ZNF737: variants seen among roughly 807,000 people sequenced by gnomAD.
ZNF737 encodes the protein zinc finger protein 737.
A neutral mutation model predicts 11.7 loss-of-function variants in ZNF737; 13 were observed. The observed-to-expected ratio is 1.11, with a 90% CI of 0.73 to 1.77. The LOEUF (loss-of-function observed/expected upper bound fraction) is 1.77, where lower values mean the gene tolerates loss of function less well. Ranked by LOEUF, ZNF737 falls within the 40% of genes most tolerant of loss-of-function variation. ZNF737 has a pLI of 0.00. For synonymous variants in ZNF737, 217 were observed against 216.2 expected (o/e 1.00, Z -0.03); for missense variants, 636 against 638.0 (o/e 1.00, Z 0.03).
At chr19:20,565,602 TC>T (rs1555763609) in intron 1 of ZNF737, 35 bp downstream of exon 1, 1 of 1,613,980 alleles carries the variant, frequency 6.2e-7, no homozygotes, top group Non-Finnish European at 8.5e-7. Flanking sequence ...AACCAGCCTA[TC>T]CCCCTCTCTC....
intron 1 of ZNF737, among the ~76,000 whole-genome samples, chr19:20,563,834 T>A (rs1389258270): frequency 2.0e-5 from 3 of 152,156 alleles, no homozygotes; most frequent in African/African-American, 4.8e-5. Flanking sequence ...TATATCTACT[T>A]CTTTCAGAAA....
In ZNF737 at chr19:20,543,621, TGTA is replaced by T. The variant is rs1555755631; in HGVS notation, c.*968_*970del. 1.0e-6 allele frequency: 1 copy of T among 985,462 alleles called. No homozygotes were observed. Among genetic ancestry groups the T allele is most frequent in the Non-Finnish European group, 1.2e-6 (1 of 829,954 alleles). 61.0% of individuals were successfully genotyped at this position (985,462 alleles called of 1,614,324 possible). ...AAAGTTTTGCCACATTCTTCACACT[TGTA>T]GGAGTTTTGCCAGTATGAATTATCC... On this transcript the variant is annotated 3_prime_UTR_variant, in exon 4 of 4. Transcript: ENST00000427401.
intron 1 of ZNF737, among the ~76,000 whole-genome samples, chr19:20,561,109 A>T (rs181075307): frequency 6.6e-6 from 1 of 152,326 alleles, no homozygotes; most frequent in African/African-American, 2.4e-5. Flanking sequence ...AATGTAGGTG[A>T]GAGGACTGAT....
Position 20,538,090 on chromosome 19 carries a change from G to A in ZNF737, c.*6502C>T. ...GCATTCTCAGTTCACAGTGTAAAAA[G>A]TGAAGTAGAGGTTCCTCTTCAAAGA... is the stretch of plus-strand genomic sequence containing the variant. On this transcript the variant is annotated 3_prime_UTR_variant, in exon 4 of 4. Coordinates refer to ENST00000427401, the MANE Select transcript of ZNF737 (RefSeq NM_001159293.2). 1.0e-6 allele frequency: 1 copy of A among 972,600 alleles called. No homozygotes were observed. The highest frequency in any genetic ancestry group is 1.2e-6 in the Non-Finnish European group (1 of 818,314). 60.2% of individuals were successfully genotyped at this position (972,600 alleles called of 1,614,324 possible).
Position 20,542,119 on chromosome 19 carries a change from C to A in ZNF737, c.*2473G>T. The A allele has an allele frequency of 1.0e-6, 1 of 985,206 alleles. No homozygotes were observed. Among genetic ancestry groups the A allele is most frequent in the Non-Finnish European group, 1.2e-6 (1 of 829,786 alleles). The allele number at this position is 985,206 out of a possible 1,614,324, so 61.0% of individuals were successfully genotyped here. A position where few individuals can be genotyped will look rare whatever the true frequency, so the allele number is the denominator to read the frequency against. On this transcript the variant is annotated 3_prime_UTR_variant, in exon 4 of 4. Coordinates refer to ENST00000427401, the MANE Select transcript of ZNF737 (RefSeq NM_001159293.2). ...GTATATTCCTACAATATTGTACCTA[C>A]ACCCTTGAGTAAAGTGGGATACAGT... is the stretch of plus-strand genomic sequence containing the variant.
chr19:20,565,781 C>CAA, upstream of ZNF737: 1 of 1,425,692 alleles, frequency 7.0e-7, no homozygotes, highest in South Asian at 1.2e-5. Context: ...GCTGCAGAGA[C>CAA]AAAGGCCCCG....
At position 20,544,006 on chromosome 19, in the gene ZNF737, T is replaced by A; in HGVS notation, c.*586A>T. The A allele has an allele frequency of 1.6e-6, 1 of 607,054 alleles. No individual in the cohort carries two copies. The highest frequency in any genetic ancestry group is 2.1e-6 in the Non-Finnish European group (1 of 485,002). 37.6% of individuals were successfully genotyped at this position (607,054 alleles called of 1,614,324 possible). A position where few individuals can be genotyped will look rare whatever the true frequency, so the allele number is the denominator to read the frequency against. ...AGCTGGGCATGTTGGAGGACACCTG[T>A]AATCCCAGCTACTCAGGAAGCTGAG... On this transcript the variant is annotated 3_prime_UTR_variant, in exon 4 of 4. Transcript: ENST00000427401.
At position 20,542,392 on chromosome 19, in the gene ZNF737, C is replaced by A. The variant is rs1419200866; in HGVS notation, c.*2200G>T. On this transcript the variant is annotated 3_prime_UTR_variant, in exon 4 of 4. Transcript: ENST00000427401. ...TACAGGCATGCACCACCATGCCTGG[C>A]TAATTTTTTTTGTATTTTTAGTAGA... The A allele has an allele frequency of 2.8e-6, 1 of 353,786 alleles. No individual in the cohort carries two copies. The highest frequency in any genetic ancestry group is 4.0e-6 in the Non-Finnish European group (1 of 252,780). The allele number at this position is 353,786 out of a possible 1,614,324, so 21.9% of individuals were successfully genotyped here.
intron 3 of ZNF737, among the ~76,000 whole-genome samples, chr19:20,548,271 T>C (rs1050241559): frequency 2.6e-5 from 4 of 152,204 alleles, no homozygotes; most frequent in Admixed American, 2.6e-4. Flanking sequence ...AGATGCCTCT[T>C]GATTTATAAA....
Position 20,543,086 on chromosome 19 carries a change from A to G in ZNF737, c.*1506T>C. ...CGGGGCCTTAGTTATTCTACTGTAAACTCTCTTGATATTTATATACAATCT... is the reference window on the plus strand; with the variant it reads ...CGGGGCCTTAGTTATTCTACTGTAAGCTCTCTTGATATTTATATACAATCT... On this transcript the variant is annotated 3_prime_UTR_variant, in exon 4 of 4. Transcript: ENST00000427401. 3.1e-6 allele frequency: 3 copies of G among 971,654 alleles called. No homozygotes were observed. Among genetic ancestry groups the G allele is most frequent in the Non-Finnish European group, 2.4e-6 (2 of 817,940 alleles). 60.2% of individuals were successfully genotyped at this position (971,654 alleles called of 1,614,324 possible).
At chr19:20,549,103 CAAGAT>C (rs1968574398) in intron 3 of ZNF737, among the ~76,000 whole-genome samples, 2 of 151,494 alleles carry the variant, frequency 1.3e-5, no homozygotes, top group Admixed American at 6.6e-5. Context: ...CTCACTTAGA[CAAGAT>C]AAAACTACCA....
intron 1 of ZNF737, among the ~76,000 whole-genome samples, chr19:20,564,352 T>C (rs1441112777): frequency 6.6e-6 from 1 of 152,200 alleles, no homozygotes; most frequent in Non-Finnish European, 1.5e-5. Flanking sequence ...GACGAATCTA[T>C]GTAACTCATC....
In ZNF737 at chr19:20,565,703, A is replaced by G. The variant is rs1301561682; in HGVS notation, c.-63T>C. ...GGATCTCCCAATACCTGCAGGACAC[A>G]GGGCCACAGAGGCTGGGCCTCTAGG... is the stretch of plus-strand genomic sequence containing the variant. On this transcript the variant is annotated 5_prime_UTR_variant, in exon 1 of 4. Transcript: ENST00000427401. The G allele has an allele frequency of 2.5e-6, 4 of 1,611,142 alleles. No homozygotes were observed. Among genetic ancestry groups the G allele is most frequent in the Non-Finnish European group, 3.4e-6 (4 of 1,177,414 alleles).
downstream of ZNF737, among the ~76,000 whole-genome samples, chr19:20,533,475 T>C (rs1216218400): frequency 2.0e-5 from 3 of 149,862 alleles, no homozygotes; most frequent in African/African-American, 7.4e-5. Context: ...CACAAACATA[T>C]GAATGTGTCT....
Position 20,551,471 on chromosome 19 carries a change from T to C in ZNF737, c.226+1004A>G, listed in dbSNP as rs558231261. 2.7e-4 allele frequency among the ~76,000 whole-genome samples: 40 copies of C among 149,302 alleles called. 1 individual carries two copies. In the South Asian group the frequency reaches 6.1e-3, roughly 23 times the overall value. On this transcript the variant is annotated intron_variant, in intron 3 of 3. Coordinates refer to ENST00000427401, the MANE Select transcript of ZNF737 (RefSeq NM_001159293.2). ...AAAAAGAAAGAAAGAAAGAAATCCA[T>C]TGCAATTGAAGAAAAATAAGTAAAA... is the stretch of plus-strand genomic sequence containing the variant.
chr19:20,548,985 T>TAAAAAAAAAC (rs1555757702), intron 3 of ZNF737, among the ~76,000 whole-genome samples: 1 of 72,770 alleles, frequency 1.4e-5, no homozygotes, highest in African/African-American at 6.7e-5. Context: ...AAAAAACAAT[T>TAAAAAAAAAC]ATGTATCTTT....
In ZNF737 at chr19:20,565,757, G is replaced by T. The variant is rs1325789827; in HGVS notation, c.-117C>A. On this transcript the variant is annotated 5_prime_UTR_variant, in exon 1 of 4. Coordinates refer to ENST00000427401, the MANE Select transcript of ZNF737 (RefSeq NM_001159293.2). ...AGAGGACACACAGCAGTGAAGACAA[G>T]ACCTGGAGCTCCGGCTGCAGAGACA... 5.3e-6 allele frequency: 8 copies of T among 1,517,902 alleles called. No homozygotes were observed. Among genetic ancestry groups the T allele is most frequent in the Non-Finnish European group, 7.3e-6 (8 of 1,093,072 alleles). The allele number at this position is 1,517,902 out of a possible 1,614,324, so 94.0% of individuals were successfully genotyped here.
rs979229612 is a variant in ZNF737, at chr19:20,542,902, A to G, written c.*1690T>C. 1 of 985,292 alleles carries G rather than the reference A, an allele frequency of 1.0e-6. No homozygotes were observed. The highest frequency in any genetic ancestry group is 1.2e-6 in the Non-Finnish European group (1 of 829,794). 61.0% of individuals were successfully genotyped at this position (985,292 alleles called of 1,614,324 possible). ...TATTACATCATTATTCAGCTTTCAA[A>G]AAATTTTATTCAAGGAAACAAGTAT... On this transcript the variant is annotated 3_prime_UTR_variant, in exon 4 of 4. Transcript: ENST00000427401.
chr19:20,545,729 T>G lies in ZNF737; in HGVS notation c.474A>C (p.Ser158=). ...GTCTTATCTTATGTCTGTTTGAATTTGAAAATTTATGAATGACTTTCACAT... is the reference window on the plus strand; with the variant it reads ...GTCTTATCTTATGTCTGTTTGAATTGGAAAATTTATGAATGACTTTCACAT... ...DKYVKVIHKF[S]NSNRHKIRHT... Residue 158 remains serine, a synonymous_variant, in exon 4 of 4, where the codon TCA becomes TCC. Coordinates refer to ENST00000427401, the MANE Select transcript of ZNF737 (RefSeq NM_001159293.2). The G allele has an allele frequency of 6.2e-7, 1 of 1,612,862 alleles. No homozygotes were observed. Among genetic ancestry groups the G allele is most frequent in the Middle Eastern group, 1.7e-4 (1 of 6,054 alleles).
Sources: gnomAD v4.1 joint callset for allele counts (sites outside exome capture counted in the v4.1 genomes callset) on GRCh38, gnomAD v4.1.1 for gene constraint, MANE v1.5 for transcripts, NCBI Gene and HGNC (gene_info 2026-07-23, HGNC 2026-07-21) for gene names.